The following HTR3D variants were observed in gnomAD, a reference collection of about 807,000 sequenced individuals.
The protein encoded by HTR3D is 5-hydroxytryptamine (serotonin) receptor 3 family member D.
A neutral mutation model predicts 45.8 loss-of-function variants in HTR3D; 47 were observed. The observed-to-expected ratio is 1.03, with a 90% confidence interval of 0.81 to 1.31. The LOEUF is 1.31. Ranked by LOEUF, HTR3D falls within the 50% of genes most tolerant of loss-of-function variation. The pLI is 0.00. For missense variants in HTR3D, 448 were observed against 506.9 expected, an observed-to-expected ratio of 0.88 and a Z score of 1.12; for synonymous variants, 203 against 199.8, an observed-to-expected ratio of 1.02 and a Z score of -0.13.
In HTR3D at chr3:184,036,042, A is replaced by C. The variant is rs1722877439; in HGVS notation, c.139A>C (p.Lys47Gln). ...GAACCCAGATGAATGCGGAGGCATC[A>C]AGAAGTCCGGCATGGCAACTGAGAA... ...MWNPDECGGI[K>Q]KSGMATENLW... Residue 47 changes from lysine to glutamine, a missense_variant, in exon 3 of 8, where the codon AAG becomes CAG. Coordinates refer to ENST00000428798, the MANE Select transcript of HTR3D (RefSeq NM_001145143.1). 2.6e-6 allele frequency: 4 copies of C among 1,551,652 alleles called. No homozygotes were observed. In the African/African-American group the frequency reaches 4.1e-5, roughly 16 times the overall value.
chr3:184,036,803 C>T lies in HTR3D; in HGVS notation c.423C>T (p.Phe141=). The T allele has an allele frequency of 6.4e-7, 1 of 1,552,010 alleles. No homozygotes were observed. Among genetic ancestry groups the T allele is most frequent in the African/African-American group, 1.4e-5 (1 of 73,150 alleles). ...RSFQIHHRTS[F]RTRREWVLLG... ...TTCAAATACATCACAGAACCTCATT[C>T]AGAACAAGGAGGGAGTGGGTACTGC... Residue 141 remains phenylalanine, a synonymous_variant, in exon 5 of 8, where the codon TTC becomes TTT. Coordinates refer to ENST00000428798, the MANE Select transcript of HTR3D (RefSeq NM_001145143.1).
At position 184,039,115 on chromosome 3, in the gene HTR3D, C is replaced by A. The variant is rs1343811031; in HGVS notation, c.*140C>A. The stretch of plus-strand genomic sequence containing the variant: ...GTCCTCTGTGTAGTTTCAGACCAGA[C>A]CTGAATAGTCTCCTATGCCCTCCAA... On this transcript the variant is annotated 3_prime_UTR_variant, in exon 8 of 8. Coordinates refer to ENST00000428798, the MANE Select transcript of HTR3D (RefSeq NM_001145143.1). 5.7e-6 allele frequency: 5 copies of A among 880,932 alleles called. No homozygotes were observed. The highest frequency in any genetic ancestry group is 1.7e-5 in the South Asian group (1 of 60,500). 54.6% of individuals were successfully genotyped at this position (880,932 alleles called of 1,614,324 possible).
rs758854694 is a variant in HTR3D, at chr3:184,035,187, C to T, written c.76C>T (p.Leu26Phe). The T allele has an allele frequency of 2.2e-5, 34 of 1,552,028 alleles. 1 individual carries two copies. The South Asian group carries it at 3.9e-4, about 18-fold the overall frequency. The change falls in exon 2 of 8, where the codon CTT (leucine) becomes TTT (phenylalanine). Residue 26 changes from leucine to phenylalanine, a missense_variant. Leu to Phe is a conservative substitution (Grantham distance 22). Transcript: ENST00000428798. ...ILHLLLQDSH[L>F]QLVTSFLWLN... ...AAAGCTGCTATTCCAGGATTCACAC[C>T]TTCAACTGGTGACATCGTTCCTGTG...
chr3:184,036,389 C>T lies in HTR3D; in HGVS notation c.212C>T (p.Pro71Leu), dbSNP rs1371552392. ...CACAGCATCAGTGTGGATCAGACAC[C>T]TGCAGGTCTCATGGCTAGTATGTCA... The part of the protein sequence containing the change: ...VFIEESVDQT[P>L]AGLMASMSIV... The change falls in exon 4 of 8, where the codon CCT (proline) becomes CTT (leucine). Residue 71 changes from proline to leucine, a missense_variant. Physicochemically the swap from Pro to Leu is moderately conservative, Grantham distance 98 (BLOSUM62 -3). Transcript: ENST00000428798. The T allele has an allele frequency of 1.2e-6, 2 of 1,614,038 alleles. No individual in the cohort carries two copies. The highest frequency in any genetic ancestry group is 1.3e-5 in the African/African-American group (1 of 74,928).
intron 2 of HTR3D, 115 bp downstream of exon 2, chr3:184,035,337 A>G (rs1722855086): frequency 8.9e-6 from 8 of 896,194 alleles, no homozygotes; most frequent in Admixed American, 2.3e-5. Flanking sequence ...TAAATTAGAC[A>G]AGTTCAAATA....
At chr3:184,037,718 G>A (rs1376712870) in intron 5 of HTR3D, among the ~76,000 whole-genome samples, 2 of 152,130 alleles carry the variant, frequency 1.3e-5, no homozygotes, top group African/African-American at 2.4e-5. Flanking sequence ...TAAAACACAC[G>A]CGACACCTAA....
In HTR3D at chr3:184,031,753, C is replaced by A. The variant is rs948680538; in HGVS notation, c.12C>A (p.Gly4=). 1.1e-4 allele frequency: 176 copies of A among 1,550,990 alleles called. No homozygotes were observed. The highest frequency in any genetic ancestry group is 1.5e-4 in the Non-Finnish European group (174 of 1,146,560). The change falls in exon 1 of 8, where the codon GGC becomes GGA. Residue 4 remains glycine (G), a synonymous_variant. Transcript: ENST00000428798. The stretch of plus-strand genomic sequence containing the variant: ...CCAAAGAGAGGAAGATGGAAAGAGG[C>A]TGGTTCCATGGGAAAGGATTCCTCC... MER[G]WFHGKGFLLG...
At position 184,038,809 on chromosome 3, in the gene HTR3D, G is replaced by C; in HGVS notation, c.1049G>C (p.Gly350Ala). 6.2e-7 allele frequency: 1 copy of C among 1,613,914 alleles called. No individual in the cohort carries two copies. The highest frequency in any genetic ancestry group is 1.1e-5 in the South Asian group (1 of 91,056). ...MPGPGEAELT[G>A]GSEWTRAQRE... is the part of the protein sequence containing the mutation. The stretch of plus-strand genomic sequence containing the variant: ...GGCCCTGGGGAGGCAGAGCTGACAG[G>C]GGGCTCAGAATGGACAAGGGCCCAG... Residue 350 changes from glycine (G) to alanine (A), a missense_variant, in exon 8 of 8, where the codon GGG becomes GCG. Gly to Ala is a moderately conservative substitution (Grantham distance 60). Coordinates refer to ENST00000428798, the MANE Select transcript of HTR3D (RefSeq NM_001145143.1). The surrounding 1 kb of genome is among the most constrained non-coding windows in gnomAD (Gnocchi z 4.5).
chr3:184,036,725 T>C, intron 4 of HTR3D, 23 bp from the exon 5 acceptor site: 1 of 1,552,484 alleles, frequency 6.4e-7, no homozygotes, highest in Non-Finnish European at 8.7e-7. Context: ...CTTCTGGGCC[T>C]GCTTTGCAGT....
chr3:184,035,303 A>G, intron 2 of HTR3D, 81 bp downstream of exon 2: 1 of 1,201,004 alleles, frequency 8.3e-7, no homozygotes, highest in Non-Finnish European at 1.2e-6. Context: ...TGCAGATTAT[A>G]TTGGTTAAAG....
Position 184,036,445 on chromosome 3 carries a change from C to T in HTR3D, c.268C>T (p.Gln90Ter), listed in dbSNP as rs1722892639. Residue 90 changes from glutamine (Q) to a stop codon, truncating the protein, a stop_gained, in exon 4 of 8, where the codon CAA becomes TAA. Coordinates refer to ENST00000428798, the MANE Select transcript of HTR3D (RefSeq NM_001145143.1). LOFTEE classifies it high-confidence loss of function. The stretch of plus-strand genomic sequence containing the variant: ...GAAGGCCACATCAAACACAATAAGC[C>T]AATGTGGGTGGTCAGCATCTGCAAA... ...IVKATSNTIS[Q>*]CGWSASANWT... The T allele has an allele frequency of 6.2e-7, 1 of 1,614,074 alleles. No individual in the cohort carries two copies. The highest frequency in any genetic ancestry group is 1.1e-5 in the South Asian group (1 of 91,086).
intron 1 of HTR3D, chr3:184,032,875 T>C (rs771583198): frequency 6.4e-7 from 1 of 1,551,952 alleles, no homozygotes; most frequent in South Asian, 1.2e-5. Context: ...CCCTCCTCTC[T>C]CAGTCTCTGC....
chr3:184,039,121 T>C lies in HTR3D; in HGVS notation c.*146T>C. 1 of 840,792 alleles carries C rather than the reference T, an allele frequency of 1.2e-6. No individual in the cohort carries two copies. The highest frequency in any genetic ancestry group is 1.8e-6 in the Non-Finnish European group (1 of 541,030). The allele number at this position is 840,792 out of a possible 1,614,324, so 52.1% of individuals were successfully genotyped here. On this transcript the variant is annotated 3_prime_UTR_variant, in exon 8 of 8. Transcript: ENST00000428798. The stretch of plus-strand genomic sequence containing the variant: ...TGTGTAGTTTCAGACCAGACCTGAA[T>C]AGTCTCCTATGCCCTCCAAAAGTCG...
intron 1 of HTR3D, among the ~76,000 whole-genome samples, chr3:184,034,584 T>C (rs1329587272): frequency 2.0e-5 from 3 of 152,200 alleles, no homozygotes; most frequent in East Asian, 1.9e-4. Flanking sequence ...TTTTATGTTA[T>C]ATATTTTTAT....
At chr3:184,034,893 G>A (rs900779797) in intron 1 of HTR3D, among the ~76,000 whole-genome samples, 11 of 152,186 alleles carry the variant, frequency 7.2e-5, no homozygotes, top group African/African-American at 2.4e-4. Flanking sequence ...CGGGGGTGAG[G>A]AGTAGAAAGG....
Position 184,039,047 on chromosome 3 carries a change from C to T in HTR3D, c.*72C>T, listed in dbSNP as rs1389112462. On this transcript the variant is annotated 3_prime_UTR_variant, in exon 8 of 8. Coordinates refer to ENST00000428798, the MANE Select transcript of HTR3D (RefSeq NM_001145143.1). ...GAACTCCAGAAACCAGTCAGGCTCT[C>T]AGTCAGCCTTGTGGCCCTGTCAACC... is the stretch of plus-strand genomic sequence containing the variant. 8 of 1,377,334 alleles carry T rather than the reference C, an allele frequency of 5.8e-6. No individual in the cohort carries two copies. Among genetic ancestry groups the T allele is most frequent in the Non-Finnish European group, 7.8e-6 (8 of 1,030,536 alleles). The allele number at this position is 1,377,334 out of a possible 1,614,324, so 85.3% of individuals were successfully genotyped here. A position where few individuals can be genotyped will look rare whatever the true frequency, so the allele number is the denominator to read the frequency against.
At position 184,036,408 on chromosome 3, in the gene HTR3D, T is replaced by C. The variant is rs574256189; in HGVS notation, c.231T>C (p.Ser77=). The change falls in exon 4 of 8, where the codon AGT becomes AGC. Residue 77 remains serine, a synonymous_variant. Transcript: ENST00000428798. The part of the protein sequence containing the change: ...VDQTPAGLMA[S]MSIVKATSNT... The stretch of plus-strand genomic sequence containing the variant: ...AGACACCTGCAGGTCTCATGGCTAG[T>C]ATGTCAATAGTGAAGGCCACATCAA... 1 of 1,614,032 alleles carries C rather than the reference T, an allele frequency of 6.2e-7. No individual in the cohort carries two copies. The highest frequency in any genetic ancestry group is 8.5e-7 in the Non-Finnish European group (1 of 1,180,034).
At chr3:184,035,135 G>C (rs548863267) in intron 1 of HTR3D, 43 bp from the exon 2 acceptor site, 1 of 1,551,686 alleles carries the variant, frequency 6.4e-7, no homozygotes, top group East Asian at 2.4e-5. Flanking sequence ...CATGGGACCT[G>C]CCTTCCTGGA....
rs894607138 is a variant in HTR3D at position 184,036,902 on chromosome 3, C to A, written c.516+6C>A. 9.7e-6 allele frequency: 15 copies of A among 1,550,780 alleles called. No individual in the cohort carries two copies. Among genetic ancestry groups the A allele is most frequent in the Non-Finnish European group, 1.2e-5 (14 of 1,146,500 alleles). Reference sequence around the variant, plus strand: ...ATGAACAAGCCATCTTCCATGTGAGCTCAGGGGCCAAGACAAGGTTTCACC... The same window carrying A: ...ATGAACAAGCCATCTTCCATGTGAGATCAGGGGCCAAGACAAGGTTTCACC... On this transcript the variant is annotated splice_donor_region_variant and intron_variant, in intron 5 of 7. Coordinates refer to ENST00000428798, the MANE Select transcript of HTR3D (RefSeq NM_001145143.1).
Sources: allele counts gnomAD v4.1 joint callset (sites outside exome capture counted in the v4.1 genomes callset), GRCh38; gene constraint gnomAD v4.1.1; non-coding constraint Gnocchi (gnomAD v3.1); transcripts MANE v1.5; gene names NCBI Gene and HGNC (gene_info 2026-07-23, HGNC 2026-07-21).